AGAP1: variants seen among roughly 807,000 people sequenced by gnomAD.
AGAP1 encodes ArfGAP with GTPase domain, ankyrin repeat and PH domain 1, also known as arf-GAP with GTPase, ANK repeat and PH domain-containing protein 1.
Under a neutral mutation model 105.3 loss-of-function variants are expected in AGAP1, and 29 were observed. The ratio of observed to expected loss-of-function variants is 0.28; its 90% CI spans 0.21 to 0.38. AGAP1 has a LOEUF of 0.38. Among genes scored for constraint, AGAP1 ranks in the 10% least tolerant of loss-of-function variants. The pLI, the probability that AGAP1 is intolerant of heterozygous loss-of-function variation, is 1.00. For missense variants in AGAP1, 998 were observed against 1,165.1 expected, an observed-to-expected ratio of 0.86 and a Z score of 2.09; for synonymous variants, 509 against 485.9, an observed-to-expected ratio of 1.05 and a Z score of -0.63.
At chr2:235,667,412 G>A (rs1948162214) in intron 1 of AGAP1, among the ~76,000 whole-genome samples, 1 of 152,140 alleles carries the variant, frequency 6.6e-6, no homozygotes, top group Non-Finnish European at 1.5e-5. Flanking sequence ...TGTTTACTTT[G>A]GTCTTTGTTA....
At position 235,621,824 on chromosome 2, in the gene AGAP1, G is replaced by A. The variant is rs912508021; in HGVS notation, c.164-87355G>A. On this transcript the variant is annotated intron_variant, in intron 1 of 17. Transcript: ENST00000304032. The surrounding 1 kb of genome is among the most constrained non-coding windows in gnomAD (Gnocchi z 4.1). Reference sequence around the variant, plus strand: ...GGCACATGGCAGTAACCCCCTGGGAGCGGCTGCTGATGTTCTGGCTCTCTG... The same window carrying A: ...GGCACATGGCAGTAACCCCCTGGGAACGGCTGCTGATGTTCTGGCTCTCTG... Among the ~76,000 whole-genome samples the A allele has an allele frequency of 2.0e-5, 3 of 152,212 alleles. No homozygotes were observed. The highest frequency in any genetic ancestry group is 4.4e-5 in the Non-Finnish European group (3 of 68,032).
rs2054577799 is a variant in AGAP1, at chr2:235,970,107, C to A, written c.1645+1484C>A. Reference sequence around the variant, plus strand: ...ATCCCAGCTACCTGAGAGGCTGAGGCAGGAGCATTGATTGAACCCAGGAGG... The same window carrying A: ...ATCCCAGCTACCTGAGAGGCTGAGGAAGGAGCATTGATTGAACCCAGGAGG... On this transcript the variant is annotated intron_variant, in intron 13 of 17. Coordinates refer to ENST00000304032, the MANE Select transcript of AGAP1 (RefSeq NM_001037131.3). This position sits in a 1 kb window ranked among gnomAD's most constrained non-coding sequence, Gnocchi z 5.4. 6.7e-6 allele frequency among the ~76,000 whole-genome samples: 1 copy of A among 150,268 alleles called. No homozygotes were observed. Among genetic ancestry groups the A allele is most frequent in the Admixed American group, 6.7e-5 (1 of 14,946 alleles).
chr2:235,924,847 C>A (rs2125121610), intron 11 of AGAP1, among the ~76,000 whole-genome samples: 1 of 152,364 alleles, frequency 6.6e-6, no homozygotes, highest in African/African-American at 2.4e-5. Context: ...TGTGCTCCCT[C>A]TTAAAGTAGA....
intron 9 of AGAP1, chr2:235,853,185 A>G (rs979151996): frequency 1.9e-6 from 2 of 1,077,620 alleles, no homozygotes; most frequent in African/African-American, 1.6e-5. Context: ...AACATAAAAC[A>G]TTAAAATCCA....
chr2:235,905,774 C>T lies in AGAP1; in HGVS notation c.1156-2964C>T, dbSNP rs1379467657. 6.6e-6 allele frequency among the ~76,000 whole-genome samples: 1 copy of T among 152,234 alleles called. No homozygotes were observed. Among genetic ancestry groups the T allele is most frequent in the Non-Finnish European group, 1.5e-5 (1 of 68,050 alleles). On this transcript the variant is annotated intron_variant, in intron 10 of 17. Transcript: ENST00000304032. This position sits in a 1 kb window ranked among gnomAD's most constrained non-coding sequence, Gnocchi z 4.2. ...TCGGCCTCCCAGAGTGCTGGGATTACAGGCGTGAGCCACCGCGCCCCGCCT... is the reference window on the plus strand; with the variant it reads ...TCGGCCTCCCAGAGTGCTGGGATTATAGGCGTGAGCCACCGCGCCCCGCCT...
At chr2:235,913,883 C>A (rs1368901798) in intron 11 of AGAP1, among the ~76,000 whole-genome samples, 1 of 152,152 alleles carries the variant, frequency 6.6e-6, no homozygotes, top group African/African-American at 2.4e-5. Context: ...GAAGTGGCAT[C>A]TTTACTGTGT....
Position 235,908,658 on chromosome 2 carries a change from C to A in AGAP1, c.1156-80C>A. 1 of 1,367,066 alleles carries A rather than the reference C, an allele frequency of 7.3e-7. No individual in the cohort carries two copies. Among genetic ancestry groups the A allele is most frequent in the South Asian group, 1.5e-5 (1 of 68,524 alleles). The allele number at this position is 1,367,066 out of a possible 1,614,324, so 84.7% of individuals were successfully genotyped here. A position where few individuals can be genotyped will look rare whatever the true frequency, so the allele number is the denominator to read the frequency against. The stretch of plus-strand genomic sequence containing the variant: ...GTCATAGGGTTTTAACTCATGACGT[C>A]TGATAGACCCTTTTGTTCTAGGTTG... On this transcript the variant is annotated intron_variant, in intron 10 of 17. Transcript: ENST00000304032. This position sits in a 1 kb window ranked among gnomAD's most constrained non-coding sequence, Gnocchi z 4.4.
intron 10 of AGAP1, among the ~76,000 whole-genome samples, chr2:235,898,441 AG>A (rs2050910409): frequency 6.6e-6 from 1 of 151,752 alleles, no homozygotes; most frequent in African/African-American, 2.4e-5. Context: ...AGGAAAAAGC[AG>A]AAAATGTCAT....
intron 13 of AGAP1, 35 bp downstream of exon 13, chr2:235,968,658 C>T: frequency 6.3e-7 from 1 of 1,584,222 alleles, no homozygotes; most frequent in Non-Finnish European, 8.5e-7. Flanking sequence ...AGAGAGTCTC[C>T]ACTGCGGAAA....
chr2:235,822,082 G>T (rs1958820006), intron 9 of AGAP1, among the ~76,000 whole-genome samples: 1 of 152,172 alleles, frequency 6.6e-6, no homozygotes, highest in African/African-American at 2.4e-5. Context: ...AGACCTATTG[G>T]ATTTCTCCCT....
At chr2:236,099,288 TAAAAAAATAC>T (rs888139496) in intron 16 of AGAP1, among the ~76,000 whole-genome samples, 3 of 151,546 alleles carry the variant, frequency 2.0e-5, no homozygotes, top group African/African-American at 7.3e-5. Context: ...CCATCTCTAC[TAAAAAAATAC>T]AAAAAAATTA....
chr2:235,512,095 G>GTTTGAGTA (rs1553555068), intron 1 of AGAP1, among the ~76,000 whole-genome samples: 7 of 143,636 alleles, frequency 4.9e-5, no homozygotes, highest in Middle Eastern at 3.7e-3. Context: ...GTGAATGTGT[G>GTTTGAGTA]TGTGTGTGAA....
rs1342555210 is a variant in AGAP1, at chr2:236,040,413, T to A, written c.1801-338T>A. On this transcript the variant is annotated intron_variant, in intron 14 of 17. Transcript: ENST00000304032. The surrounding 1 kb of genome is among the most constrained non-coding windows in gnomAD (Gnocchi z 5.6). ...TCTTCTTACCAAGTAGACATGTGGC[T>A]ACTGCCCAGAAGGTTACCCATTTAC... Among the ~76,000 whole-genome samples the A allele has an allele frequency of 1.3e-5, 2 of 152,210 alleles. No individual in the cohort carries two copies. The highest frequency in any genetic ancestry group is 4.8e-5 in the African/African-American group (2 of 41,434).
chr2:236,064,905 GA>G (rs1280870407), intron 16 of AGAP1, among the ~76,000 whole-genome samples: 1 of 152,214 alleles, frequency 6.6e-6, no homozygotes, highest in African/African-American at 2.4e-5. Flanking sequence ...TAATATTCCA[GA>G]GGAGCCATAG....
At position 235,737,233 on chromosome 2, in the gene AGAP1, A is replaced by G. The variant is rs1446037936; in HGVS notation, c.311-3730A>G. ...ATTCACCTTTGAGTTCGTGGCAAAT[A>G]CTTAGCAGTATTTAATTTTTGCTTT... On this transcript the variant is annotated intron_variant, in intron 3 of 17. Coordinates refer to ENST00000304032, the MANE Select transcript of AGAP1 (RefSeq NM_001037131.3). This position sits in a 1 kb window ranked among gnomAD's most constrained non-coding sequence, Gnocchi z 4.5. Among the ~76,000 whole-genome samples, 1 of 152,222 alleles carries G rather than the reference A, an allele frequency of 6.6e-6. No homozygotes were observed. The highest frequency in any genetic ancestry group is 1.9e-4 in the East Asian group (1 of 5,200).
intron 13 of AGAP1, among the ~76,000 whole-genome samples, chr2:236,033,673 C>A (rs552543423): frequency 2.6e-5 from 4 of 152,350 alleles, no homozygotes; most frequent in South Asian, 2.1e-4. Flanking sequence ...ATGCTGGAAT[C>A]CCTTCCACCC....
At chr2:235,913,090 A>G (rs1457261714) in intron 11 of AGAP1, among the ~76,000 whole-genome samples, 1 of 152,148 alleles carries the variant, frequency 6.6e-6, no homozygotes, top group African/African-American at 2.4e-5. Context: ...TCTTTACATA[A>G]AAAGGTTTTC....
intron 13 of AGAP1, among the ~76,000 whole-genome samples, chr2:236,004,377 C>G (rs1576030711): frequency 6.6e-6 from 1 of 152,192 alleles, no homozygotes; most frequent in Non-Finnish European, 1.5e-5. Flanking sequence ...AACATAAGCA[C>G]AAACTTTTTT....
At position 236,010,379 on chromosome 2, in the gene AGAP1, T is replaced by C. The variant is rs114156203; in HGVS notation, c.1646-26182T>C. Among the ~76,000 whole-genome samples the C allele has an allele frequency of 3.6e-3, 552 of 152,320 alleles. 8 individuals carry two copies. Among genetic ancestry groups the C allele is most frequent in the African/African-American group, 0.012 (501 of 41,568 alleles). On this transcript the variant is annotated intron_variant, in intron 13 of 17. Coordinates refer to ENST00000304032, the MANE Select transcript of AGAP1 (RefSeq NM_001037131.3). ...CTGTCTGTTAGTAATTACAAGGAGC[T>C]GAGTATATTATGCCAGGCCTCGTTT...
Sources: gnomAD v4.1 joint callset for allele counts (sites outside exome capture counted in the v4.1 genomes callset) on GRCh38, gnomAD v4.1.1 for gene constraint, Gnocchi (gnomAD v3.1) non-coding constraint, MANE v1.5 for transcripts, NCBI Gene and HGNC (gene_info 2026-07-23, HGNC 2026-07-21) for gene names.